Variants in SERINC3 observed in about 807,000 individuals in gnomAD.
SERINC3 encodes the protein serine incorporator 3.
In SERINC3, 22 loss-of-function variants were observed where a neutral mutation model predicts 52.1. The observed-to-expected ratio is 0.42, with a 90% CI of 0.30 to 0.60. The LOEUF (loss-of-function observed/expected upper bound fraction) is 0.60. SERINC3 is among the 20% of genes least tolerant of loss of function. SERINC3 has a pLI of 0.16. For synonymous variants in SERINC3, 226 were observed against 212.7 expected (o/e 1.06, Z -0.54); for missense variants, 564 against 584.6 (o/e 0.96, Z 0.36).
chr20:44,521,177 G>A (rs888974240), intron 1 of SERINC3, among the ~76,000 whole-genome samples: 1 of 152,252 alleles, frequency 6.6e-6, no homozygotes, highest in Non-Finnish European at 1.5e-5. Context: ...AAATCAGCTG[G>A]AGAATGAGGA....
chr20:44,513,831 T>A, intron 2 of SERINC3, 48 bp downstream of exon 2: 1 of 1,442,858 alleles, frequency 6.9e-7, no homozygotes, highest in Non-Finnish European at 9.2e-7. Flanking sequence ...TTTTGCAGAA[T>A]ATAAAAATAA....
At chr20:44,507,493 T>C (rs574798744) in intron 5 of SERINC3, among the ~76,000 whole-genome samples, 33 of 152,362 alleles carry the variant, frequency 2.2e-4, no homozygotes, top group Admixed American at 1.9e-3. Context: ...ACAATAAGAC[T>C]GTCCCTGAAC....
chr20:44,520,405 A>T (rs2064408727), intron 1 of SERINC3, among the ~76,000 whole-genome samples: 2 of 152,200 alleles, frequency 1.3e-5, no homozygotes, highest in Non-Finnish European at 2.9e-5. Flanking sequence ...TATCTTTAAA[A>T]ATATATTAAT....
Position 44,506,818 on chromosome 20 carries a change from C to A in SERINC3, c.783+9G>T, listed in dbSNP as rs777261763. 4.5e-6 allele frequency: 7 copies of A among 1,550,288 alleles called. No individual in the cohort carries two copies. Among genetic ancestry groups the A allele is most frequent in the African/African-American group, 1.4e-5 (1 of 72,496 alleles). On this transcript the variant is annotated intron_variant, in intron 6 of 9. Transcript: ENST00000342374. ...TTTCACAGGAGAAAGAAGTAGTAAA[C>A]AATCATACCTGAATTTTTGGGTGGA...
At chr20:44,510,110 T>G in intron 4 of SERINC3, 82 bp from the exon 5 acceptor site, 1 of 1,364,150 alleles carries the variant, frequency 7.3e-7, no homozygotes, top group Non-Finnish European at 1.0e-6. Context: ...GGATTTCAAT[T>G]AAAACAAGAC....
chr20:44,513,756 C>A, intron 2 of SERINC3, 123 bp downstream of exon 2: 1 of 744,462 alleles, frequency 1.3e-6, no homozygotes, highest in Admixed American at 3.3e-5. Context: ...GACCACACCC[C>A]CATATAAGTA....
Position 44,511,348 on chromosome 20 carries a change from G to C in SERINC3, c.416C>G (p.Ala139Gly). ...GCCAACCATGATTCCAATAAGGGCA[G>C]CAATTTTGAAGAACCAAAACCTATT... ...VHNGFWFFKIAALIGIMVGSF... is the reference protein window; with the variant it reads ...VHNGFWFFKIGALIGIMVGSF... The change falls in exon 4 of 10, where the codon GCT (alanine) becomes GGT (glycine). Residue 139 changes from alanine to glycine, a missense_variant. Transcript: ENST00000342374. 1 of 1,612,742 alleles carries C rather than the reference G, an allele frequency of 6.2e-7. No homozygotes were observed. The highest frequency in any genetic ancestry group is 1.3e-5 in the African/African-American group (1 of 74,994).
chr20:44,498,288 T>C lies in SERINC3; in HGVS notation c.*2008A>G, dbSNP rs2064259250. On this transcript the variant is annotated 3_prime_UTR_variant, in exon 10 of 10. Coordinates refer to ENST00000342374, the MANE Select transcript of SERINC3 (RefSeq NM_006811.4). ...ATAACTGCCAGTGTTAAAATTCTAA[T>C]TGCTGGCCAGGCACGGTGGCTCATG... The C allele has an allele frequency of 6.6e-6, 1 of 152,246 alleles. No individual in the cohort carries two copies. The highest frequency in any genetic ancestry group is 2.4e-5 in the African/African-American group (1 of 41,468). The allele number at this position is 152,246 out of a possible 1,614,324, so 9.4% of individuals were successfully genotyped here.
chr20:44,511,175 A>G (rs2064345057), intron 4 of SERINC3, 114 bp downstream of exon 4: 1 of 712,630 alleles, frequency 1.4e-6, no homozygotes, highest in Non-Finnish European at 2.4e-6. Flanking sequence ...TGGCCTCCCA[A>G]AGTGCTGAGC....
At chr20:44,518,718 A>G (rs138257665) in intron 1 of SERINC3, among the ~76,000 whole-genome samples, 7,295 of 152,226 alleles carry the variant, frequency 0.048, 207 homozygotes, top group African/African-American at 0.084. Context: ...TAATCCCAGC[A>G]CTTTGGGAAG....
chr20:44,502,068 C>A lies in SERINC3; in HGVS notation c.1056-768G>T, dbSNP rs117847653. ...AAAACTTTCCCCCTGAGATCAGGAA[C>A]AAGACAAGGATCCTACTCTCACCAT... On this transcript the variant is annotated intron_variant, in intron 8 of 9. Transcript: ENST00000342374. Among the ~76,000 whole-genome samples the A allele has an allele frequency of 3.3e-5, 5 of 152,210 alleles. No homozygotes were observed. In the South Asian group the frequency reaches 8.3e-4, roughly 25 times the overall value.
chr20:44,502,741 G>A (rs956511496), intron 8 of SERINC3, among the ~76,000 whole-genome samples: 1 of 152,008 alleles, frequency 6.6e-6, no homozygotes, highest in African/African-American at 2.4e-5. Flanking sequence ...CAAGTAGCTG[G>A]GACTACAGAT....
In SERINC3 at chr20:44,517,824, T is replaced by G. The variant is rs34455653; in HGVS notation, c.40-3784A>C. 1.6e-3 allele frequency among the ~76,000 whole-genome samples: 242 copies of G among 152,366 alleles called. 1 individual carries two copies. The highest frequency in any genetic ancestry group is 2.7e-3 in the Non-Finnish European group (184 of 68,036). On this transcript the variant is annotated intron_variant, in intron 1 of 9. Transcript: ENST00000342374. ...AAATATCTCGAAGGGGAGACTATCTTTACAACGTTATATCTTTTGTATCTT... is the reference window on the plus strand; with the variant it reads ...AAATATCTCGAAGGGGAGACTATCTGTACAACGTTATATCTTTTGTATCTT...
At chr20:44,509,108 T>C (rs966288464) in intron 5 of SERINC3, among the ~76,000 whole-genome samples, 20 of 152,144 alleles carry the variant, frequency 1.3e-4, no homozygotes, top group African/African-American at 4.8e-4. Flanking sequence ...TATTATGAAG[T>C]AGTAAGTGCT....
chr20:44,499,983 A>G lies in SERINC3; in HGVS notation c.*313T>C. On this transcript the variant is annotated 3_prime_UTR_variant, in exon 10 of 10. Coordinates refer to ENST00000342374, the MANE Select transcript of SERINC3 (RefSeq NM_006811.4). ...AATATCCAACATTTTCCTATCTTAC[A>G]TTTTAAACCAAAGTTAAAAGAACCT... is the stretch of plus-strand genomic sequence containing the variant. 1 of 194,954 alleles carries G rather than the reference A, an allele frequency of 5.1e-6. No homozygotes were observed. The highest frequency in any genetic ancestry group is 1.0e-5 in the Non-Finnish European group (1 of 96,584). The allele number at this position is 194,954 out of a possible 1,614,324, so 12.1% of individuals were successfully genotyped here.
intron 8 of SERINC3, among the ~76,000 whole-genome samples, chr20:44,501,704 C>T (rs984015762): frequency 1.3e-5 from 2 of 152,176 alleles, no homozygotes; most frequent in African/African-American, 4.8e-5. Context: ...GGCTAGGTTA[C>T]AAGACACTCC....
At chr20:44,514,560 C>G (rs1382652955) in intron 1 of SERINC3, among the ~76,000 whole-genome samples, 2 of 151,800 alleles carry the variant, frequency 1.3e-5, no homozygotes, top group South Asian at 2.1e-4. Context: ...GAGATCGAGA[C>G]CATCCTGGCT....
chr20:44,511,246 G>C, intron 4 of SERINC3, 43 bp downstream of exon 4: 7 of 1,336,468 alleles, frequency 5.2e-6, no homozygotes, highest in Non-Finnish European at 7.5e-6. Context: ...CATCTATAGA[G>C]TTTATATAGT....
At chr20:44,505,507 G>A (rs1486049281) in intron 6 of SERINC3, among the ~76,000 whole-genome samples, 1 of 151,860 alleles carries the variant, frequency 6.6e-6, no homozygotes, top group East Asian at 1.9e-4. Context: ...TTTTAGTAGA[G>A]ATGGGGTTTC....
Sources: allele counts gnomAD v4.1 joint callset (sites outside exome capture counted in the v4.1 genomes callset), GRCh38; gene constraint gnomAD v4.1.1; transcripts MANE v1.5; gene names NCBI Gene and HGNC (gene_info 2026-07-23, HGNC 2026-07-21).